TTC3: variants seen among roughly 807,000 people sequenced by gnomAD.
TTC3 encodes the protein E3 ubiquitin-protein ligase TTC3.
TTC3 carries 180 observed loss-of-function variants against 249.6 expected under a neutral mutation model. The observed-to-expected ratio is 0.72, with a 90% CI of 0.64 to 0.82. The LOEUF is 0.82. Ranked by LOEUF, TTC3 falls within the 40% of genes least tolerant of loss-of-function variation. TTC3 has a pLI of 0.00. For synonymous variants in TTC3, 717 were observed against 805.0 expected (o/e 0.89, Z 1.85); for missense variants, 2,061 against 2,398.4 (o/e 0.86, Z 2.94).
chr21:37,131,774 GT>G (rs1023529556), intron 16 of TTC3, among the ~76,000 whole-genome samples: 9 of 152,260 alleles, frequency 5.9e-5, no homozygotes, highest in African/African-American at 1.9e-4. Flanking sequence ...CTCATTTTGT[GT>G]TGGACAGTTG....
intron 1 of TTC3, chr21:37,082,145 A>G (rs113455787): frequency 0.12 from 18,810 of 152,212 alleles, 1,298 homozygotes; most frequent in Non-Finnish European, 0.15. Flanking sequence ...GATTACAGGC[A>G]TGAGCCACCA....
At chr21:37,146,518 CAA>C (rs573434717) in intron 21 of TTC3, among the ~76,000 whole-genome samples, 1 of 136,344 alleles carries the variant, frequency 7.3e-6, no homozygotes, top group Non-Finnish European at 1.6e-5. Flanking sequence ...GACGCTGTCT[CAA>C]AAAAAAAAAA....
At chr21:37,095,135 A>ATGTGTG (rs201291680) in intron 8 of TTC3, among the ~76,000 whole-genome samples, 947 of 76,740 alleles carry the variant, frequency 0.012, 13 homozygotes, top group African/African-American at 0.035. Flanking sequence ...GTCTCTAAAA[A>ATGTGTG]TATGTGTGTG....
chr21:37,091,709 G>T, intron 7 of TTC3: 1 of 157,052 alleles, frequency 6.4e-6, no homozygotes, highest in Non-Finnish European at 1.4e-5. Context: ...AGCCTCCCGA[G>T]TAGTTGAGAC....
chr21:37,151,441 A>T (rs2079458879), intron 25 of TTC3, among the ~76,000 whole-genome samples: 1 of 152,110 alleles, frequency 6.6e-6, no homozygotes, highest in African/African-American at 2.4e-5. Context: ...GACCAAGAAA[A>T]AGCAAAAGAA....
intron 1 of TTC3, among the ~76,000 whole-genome samples, chr21:37,076,696 T>TTTTTTTTTTG (rs2070918484): frequency 1.1e-5 from 1 of 94,522 alleles, no homozygotes; most frequent in African/African-American, 3.4e-5. Context: ...ACAAAGGGAT[T>TTTTTTTTTTG]TTTTTTTTTT....
chr21:37,191,351 C>T (rs1384339627), exon 40 of TTC3: 3 of 1,584,024 alleles, frequency 1.9e-6, no homozygotes, highest in Non-Finnish European at 2.6e-6. Context: ...GCAGCATATC[C>T]TGACATGGAG....
intron 36 of TTC3, among the ~76,000 whole-genome samples, chr21:37,184,818 T>C (rs535207634): frequency 7.2e-5 from 11 of 152,166 alleles, no homozygotes; most frequent in Non-Finnish European, 1.6e-4. Context: ...TTTTTCTATT[T>C]AGATTTTTAA....
chr21:37,088,757 A>G (rs953830668), intron 4 of TTC3, 42 bp from the exon 5 acceptor site: 35 of 1,537,546 alleles, frequency 2.3e-5, no homozygotes, highest in Non-Finnish European at 3.0e-5. Flanking sequence ...GAATTTGTAT[A>G]TATGAGAATC....
exon 24 of TTC3, chr21:37,150,095 A>C: frequency 6.2e-7 from 1 of 1,608,494 alleles, no homozygotes. Context: ...TACAAGGAAT[A>C]TGTCTTACCC....
chr21:37,140,521 C>A, intron 19 of TTC3, 40 bp from the exon 20 acceptor site: 3 of 1,291,826 alleles, frequency 2.3e-6, no homozygotes, highest in East Asian at 2.7e-5. Context: ...CAGTATTTCT[C>A]TTTGTATGTA....
chr21:37,201,341 G>A, intron 45 of TTC3, 99 bp from the exon 46 acceptor site: 2 of 1,499,846 alleles, frequency 1.3e-6, no homozygotes, highest in South Asian at 2.3e-5. Flanking sequence ...GAGACCAAGG[G>A]CAAGTGAGCC....
intron 21 of TTC3, among the ~76,000 whole-genome samples, chr21:37,145,060 T>C (rs2078866936): frequency 6.6e-6 from 1 of 152,214 alleles, no homozygotes; most frequent in Non-Finnish European, 1.5e-5. Context: ...AGGTATAGTA[T>C]TGTTGTTTCA....
intron 20 of TTC3, among the ~76,000 whole-genome samples, chr21:37,143,247 G>A (rs1675566354): frequency 2.0e-5 from 3 of 152,052 alleles, no homozygotes; most frequent in African/African-American, 7.2e-5. Context: ...TTGACAAATG[G>A]GATCTAATTA....
intron 35 of TTC3, among the ~76,000 whole-genome samples, chr21:37,178,519 G>A (rs993104759): frequency 1.4e-4 from 22 of 152,070 alleles, no homozygotes; most frequent in South Asian, 1.0e-3. Flanking sequence ...ATCTCATTGT[G>A]GTTTTGATTT....
chr21:37,109,576 G>A (rs2075429793), intron 11 of TTC3, among the ~76,000 whole-genome samples: 1 of 152,178 alleles, frequency 6.6e-6, no homozygotes, highest in African/African-American at 2.4e-5. Context: ...GCTCGAACTG[G>A]GTGGAGCCCA....
chr21:37,187,125 C>T lies in TTC3; in HGVS notation c.4903C>T (p.Gln1635Ter). The change falls in exon 38 of 46, where the codon CAG (glutamine) becomes TAG (stop). Residue 1635 changes from glutamine to a stop codon, truncating the protein, a stop_gained. Coordinates refer to ENST00000355666, the Ensembl canonical transcript of TTC3. LOFTEE classifies it high-confidence loss of function. ...GAAAGAGGATTATGAAGAGAGTCAT[C>T]AGAGAGCTGTGGCTGCAGAGGTGAG... 2 of 1,579,198 alleles carry T rather than the reference C, an allele frequency of 1.3e-6. No individual in the cohort carries two copies. The highest frequency in any genetic ancestry group is 1.4e-5 in the African/African-American group (1 of 72,500).
At chr21:37,169,097 G>A (rs1284503140) in intron 34 of TTC3, among the ~76,000 whole-genome samples, 4 of 151,906 alleles carry the variant, frequency 2.6e-5, no homozygotes, top group African/African-American at 4.8e-5. Context: ...GCATTCTCTT[G>A]GTCACATAGA....
chr21:37,134,771 C>T (rs1373525645), intron 17 of TTC3, among the ~76,000 whole-genome samples: 3 of 152,192 alleles, frequency 2.0e-5, no homozygotes, highest in Non-Finnish European at 2.9e-5. Flanking sequence ...TTTAAGGGCA[C>T]ATGATAGCAA....
Sources: allele counts gnomAD v4.1 joint callset (sites outside exome capture counted in the v4.1 genomes callset), GRCh38; gene constraint gnomAD v4.1.1; transcripts MANE v1.5; gene names NCBI Gene and HGNC (gene_info 2026-07-23, HGNC 2026-07-21).